Variants in IMMP2L observed in about 807,000 individuals in gnomAD.
The protein encoded by IMMP2L is mitochondrial inner membrane protease subunit 2.
In IMMP2L, 18 loss-of-function variants were observed where a neutral mutation model predicts 19.3. That is an observed-to-expected ratio of 0.93 (90% CI 0.64 to 1.38). The LOEUF is 1.38. Among genes scored for constraint, IMMP2L ranks in the 40% most tolerant of loss-of-function variants. IMMP2L has a pLI of 0.00. For synonymous variants in IMMP2L, 76 were observed against 73.0 expected (o/e 1.04, Z -0.21); for missense variants, 233 against 218.2 (o/e 1.07, Z -0.43).
intron 4 of IMMP2L, among the ~76,000 whole-genome samples, chr7:110,929,382 T>C (rs1334430850): frequency 6.6e-6 from 1 of 152,192 alleles, no homozygotes; most frequent in Non-Finnish European, 1.5e-5. Context: ...TAAGGTCTCC[T>C]ATGATCTTTG....
At chr7:111,030,386 A>G (rs1452074718) in intron 3 of IMMP2L, among the ~76,000 whole-genome samples, 3 of 152,210 alleles carry the variant, frequency 2.0e-5, no homozygotes, top group African/African-American at 7.2e-5. Flanking sequence ...TTTAATGTGA[A>G]AACATATGAT....
intron 3 of IMMP2L, among the ~76,000 whole-genome samples, chr7:111,468,987 G>A (rs1020253839): frequency 3.9e-5 from 6 of 152,074 alleles, no homozygotes; most frequent in African/African-American, 7.2e-5. Flanking sequence ...TATATCCAAT[G>A]GAGAGCTAAA....
intron 3 of IMMP2L, among the ~76,000 whole-genome samples, chr7:111,238,998 T>G (rs996883545): frequency 1.3e-5 from 2 of 151,956 alleles, no homozygotes; most frequent in African/African-American, 4.8e-5. Context: ...AGCTTTCACT[T>G]TCACTATTTC....
chr7:111,005,513 A>C (rs1434858348), intron 3 of IMMP2L, among the ~76,000 whole-genome samples: 3 of 152,144 alleles, frequency 2.0e-5, no homozygotes, highest in Non-Finnish European at 4.4e-5. Context: ...TATATCACTA[A>C]TCTGTGTAAC....
intron 3 of IMMP2L, among the ~76,000 whole-genome samples, chr7:110,995,923 A>G (rs191708416): frequency 6.6e-6 from 1 of 152,142 alleles, no homozygotes. Flanking sequence ...GGCATTCATA[A>G]TACCCTGACA....
At chr7:110,766,215 A>G (rs552417682) in intron 5 of IMMP2L, among the ~76,000 whole-genome samples, 1 of 152,324 alleles carries the variant, frequency 6.6e-6, no homozygotes, top group Non-Finnish European at 1.5e-5. Flanking sequence ...ATCTAAAGAT[A>G]GACTATTTCT....
chr7:111,154,446 G>C (rs755336222), intron 3 of IMMP2L, among the ~76,000 whole-genome samples: 6 of 151,958 alleles, frequency 3.9e-5, no homozygotes, highest in Non-Finnish European at 8.8e-5. Context: ...AATACAATAA[G>C]AAAAATAGCA....
chr7:111,093,249 T>G (rs1481880006), intron 3 of IMMP2L, among the ~76,000 whole-genome samples: 8 of 152,172 alleles, frequency 5.3e-5, no homozygotes, highest in Admixed American at 5.2e-4. Context: ...ATTGGCAGCT[T>G]TGCTCGCTCT....
chr7:111,301,792 T>C (rs952620080), intron 3 of IMMP2L, among the ~76,000 whole-genome samples: 2 of 152,008 alleles, frequency 1.3e-5, no homozygotes, highest in African/African-American at 4.8e-5. Context: ...CTGTGTTTCA[T>C]ATACTATGCC....
intron 3 of IMMP2L, among the ~76,000 whole-genome samples, chr7:111,453,054 T>C (rs1839360629): frequency 6.6e-6 from 1 of 152,184 alleles, no homozygotes; most frequent in East Asian, 1.9e-4. Context: ...GAGGTAGCAC[T>C]ACCTAAACTA....
At chr7:110,993,876 G>A (rs922221806) in intron 3 of IMMP2L, among the ~76,000 whole-genome samples, 1 of 152,040 alleles carries the variant, frequency 6.6e-6, no homozygotes, top group Non-Finnish European at 1.5e-5. Context: ...GCTAGACACT[G>A]CAGAGTGAGG....
At chr7:111,547,418 A>G (rs752483315) in intron 1 of IMMP2L, among the ~76,000 whole-genome samples, 15 of 152,020 alleles carry the variant, frequency 9.9e-5, no homozygotes, top group Non-Finnish European at 7.4e-5. Context: ...CATAAAATCC[A>G]AAACGGACAA....
At chr7:111,003,132 T>G (rs1823893455) in intron 3 of IMMP2L, among the ~76,000 whole-genome samples, 1 of 152,198 alleles carries the variant, frequency 6.6e-6, no homozygotes, top group Admixed American at 6.6e-5. Context: ...ATGTTAGCAT[T>G]TAGTTCATTG....
At chr7:110,883,839 T>C (rs1429542344) in intron 5 of IMMP2L, among the ~76,000 whole-genome samples, 1 of 152,048 alleles carries the variant, frequency 6.6e-6, no homozygotes, top group Non-Finnish European at 1.5e-5. Context: ...TCTCAGTTGC[T>C]CTCAATTTAA....
intron 3 of IMMP2L, among the ~76,000 whole-genome samples, chr7:111,119,397 C>T (rs1014614579): frequency 6.6e-6 from 1 of 152,174 alleles, no homozygotes; most frequent in Non-Finnish European, 1.5e-5. Flanking sequence ...ATATCTAAGT[C>T]ATCTGTTTTC....
chr7:110,895,061 T>C (rs1341758876), intron 4 of IMMP2L, among the ~76,000 whole-genome samples: 2 of 152,198 alleles, frequency 1.3e-5, no homozygotes, highest in Non-Finnish European at 2.9e-5. Flanking sequence ...AGAAGTTTAT[T>C]GGACTTAAAG....
chr7:111,082,514 C>G (rs1795968921), intron 3 of IMMP2L, among the ~76,000 whole-genome samples: 1 of 152,134 alleles, frequency 6.6e-6, no homozygotes, highest in Non-Finnish European at 1.5e-5. Flanking sequence ...ATGGTTTGAG[C>G]ACTAGACTTC....
rs534628752 is a variant in IMMP2L, at chr7:111,270,212, A to G, written c.239+217026T>C. 2.1e-3 allele frequency among the ~76,000 whole-genome samples: 321 copies of G among 152,148 alleles called. 3 individuals carry two copies. Among genetic ancestry groups the G allele is most frequent in the African/African-American group, 7.3e-3 (305 of 41,530 alleles). On this transcript the variant is annotated intron_variant, in intron 3 of 5. Coordinates refer to ENST00000405709, the MANE Select transcript of IMMP2L (RefSeq NM_032549.4). The stretch of plus-strand genomic sequence containing the variant: ...CTTGCCTTTTATTTAAAAAAATAAA[A>G]AACTATTTCATTCAAAGAAAATGTG...
At chr7:111,234,376 A>C (rs1008594994) in intron 3 of IMMP2L, among the ~76,000 whole-genome samples, 1 of 152,082 alleles carries the variant, frequency 6.6e-6, no homozygotes, top group Admixed American at 6.6e-5. Context: ...CTGTCCATCA[A>C]TTACTAAGAA....
Sources: allele counts gnomAD v4.1 joint callset (sites outside exome capture counted in the v4.1 genomes callset), GRCh38; gene constraint gnomAD v4.1.1; transcripts MANE v1.5; gene names NCBI Gene and HGNC (gene_info 2026-07-23, HGNC 2026-07-21).